The following DMD variants were observed in gnomAD, a reference collection of about 807,000 sequenced individuals.
DMD encodes the protein mutant dystrophin.
In DMD, 63 loss-of-function variants were observed where a neutral mutation model predicts 330.1. That is an observed-to-expected ratio of 0.19 (90% CI 0.16 to 0.24). DMD has a LOEUF of 0.24. Ranked by LOEUF, DMD falls within the 10% of genes least tolerant of loss-of-function variation. The pLI, the probability that DMD is intolerant of heterozygous loss-of-function variation, is 1.00. For synonymous variants in DMD, 1,223 were observed against 959.8 expected, an observed-to-expected ratio of 1.27 and a Z score of -5.07; for missense variants, 3,344 against 2,684.1, an observed-to-expected ratio of 1.25 and a Z score of -5.43.
rs2040286754 is a variant in DMD, at chrX:32,468,503, T to C, written c.3157A>G (p.Ile1053Val). 8.3e-7 allele frequency: 1 copy of C among 1,203,181 alleles called. No individual in the cohort carries two copies. The highest frequency in any genetic ancestry group is 1.7e-5 in the African/African-American group (1 of 57,596). ...AAAGTAAAATCTTGAATTACCTGAA[T>C]TTTTCGGAGTTTATTCATTTGCTCC... is the stretch of plus-strand genomic sequence containing the variant. ...LEEQMNKLRK[I>V]QNHIQTLKKW... is the part of the protein sequence containing the mutation. Residue 1053 changes from isoleucine (I) to valine (V), a missense_variant, in exon 23 of 79, where the codon ATT (isoleucine) becomes GTT (valine). By Grantham distance (29) the Ile-to-Val change is conservative (BLOSUM62 3). Coordinates refer to ENST00000357033, the MANE Select transcript of DMD (RefSeq NM_004006.3).
chrX:33,087,277 T>C (rs779317489), intron 1 of DMD, among the ~76,000 whole-genome samples: 30 of 112,619 alleles, frequency 2.7e-4, no homozygotes, highest in Non-Finnish European at 4.5e-4. Context: ...ATTTGATTCT[T>C]GCTCTTGGTA....
intron 44 of DMD, among the ~76,000 whole-genome samples, chrX:32,115,439 C>T (rs747924434): frequency 1.8e-5 from 2 of 110,837 alleles, no homozygotes; most frequent in East Asian, 2.9e-4. Flanking sequence ...GGCGAGGTCT[C>T]GCTGTGTTAC....
At chrX:32,896,261 T>C (rs997635349) in intron 2 of DMD, among the ~76,000 whole-genome samples, 2 of 111,413 alleles carry the variant, frequency 1.8e-5, no homozygotes, top group African/African-American at 6.5e-5. Flanking sequence ...ATTACACCCC[T>C]AGGGTATAAT....
At chrX:32,116,222 G>A (rs2096610152) in intron 44 of DMD, among the ~76,000 whole-genome samples, 2 of 111,105 alleles carry the variant, frequency 1.8e-5, no homozygotes, top group East Asian at 5.7e-4. Context: ...TGCCCAAATT[G>A]GAGAATATCT....
chrX:32,310,042 A>T (rs902730441), intron 42 of DMD, 40 bp downstream of exon 42: 10 of 1,128,927 alleles, frequency 8.9e-6, no homozygotes, highest in Middle Eastern at 2.5e-4. Flanking sequence ...GATCAGTATG[A>T]TCACCTTGTA....
At chrX:32,384,612 A>G (rs1208490991) in intron 33 of DMD, among the ~76,000 whole-genome samples, 1 of 111,004 alleles carries the variant, frequency 9.0e-6, no homozygotes, top group Non-Finnish European at 1.9e-5. Flanking sequence ...ATTTCAACTT[A>G]ATTATAAAAT....
intron 44 of DMD, among the ~76,000 whole-genome samples, chrX:32,108,155 T>G (rs1477575350): frequency 1.8e-5 from 2 of 111,760 alleles, no homozygotes; most frequent in African/African-American, 6.5e-5. Flanking sequence ...ACAGCCAACT[T>G]TTTGTTCTTT....
intron 7 of DMD, among the ~76,000 whole-genome samples, chrX:32,789,732 A>G (rs2075679186): frequency 9.1e-6 from 1 of 110,300 alleles, no homozygotes; most frequent in African/African-American, 3.4e-5. Flanking sequence ...TGTGTACAAG[A>G]CATAAGATAA....
chrX:32,497,592 T>C (rs1455878245), intron 19 of DMD, among the ~76,000 whole-genome samples: 2 of 112,207 alleles, frequency 1.8e-5, no homozygotes, highest in Non-Finnish European at 3.8e-5. Flanking sequence ...TTTGATATGG[T>C]CATCTTTTGG....
intron 71 of DMD, among the ~76,000 whole-genome samples, chrX:31,175,481 A>T (rs1775205759): frequency 9.0e-6 from 1 of 111,242 alleles, no homozygotes; most frequent in Admixed American, 9.5e-5. Flanking sequence ...ACTTACAATA[A>T]CCAGAAATCT....
chrX:32,685,826 T>A (rs1269011675), intron 9 of DMD, among the ~76,000 whole-genome samples: 1 of 111,803 alleles, frequency 8.9e-6, no homozygotes, highest in Non-Finnish European at 1.9e-5. Flanking sequence ...CCCCAAAGAT[T>A]TAATTGATAG....
intron 1 of DMD, among the ~76,000 whole-genome samples, chrX:33,193,314 A>G (rs745821221): frequency 8.9e-6 from 1 of 112,279 alleles, no homozygotes; most frequent in Admixed American, 9.4e-5. Context: ...CTCAAAAAAA[A>G]GAAAACATTT....
At chrX:31,381,857 C>T (rs891805471) in intron 60 of DMD, among the ~76,000 whole-genome samples, 2 of 111,785 alleles carry the variant, frequency 1.8e-5, no homozygotes, top group Non-Finnish European at 3.8e-5. Flanking sequence ...TTCTACTACT[C>T]CTCAGGGATT....
intron 44 of DMD, among the ~76,000 whole-genome samples, chrX:32,070,866 G>C (rs1209160331): frequency 9.0e-6 from 1 of 111,193 alleles, no homozygotes; most frequent in Non-Finnish European, 1.9e-5. Context: ...ATATGGTGCA[G>C]TGTATACTAC....
At chrX:31,230,373 G>C (rs1300052252) in intron 63 of DMD, among the ~76,000 whole-genome samples, 1 of 111,902 alleles carries the variant, frequency 8.9e-6, no homozygotes, top group Non-Finnish European at 1.9e-5. Flanking sequence ...AGAGGGCCAG[G>C]TGTGGTGGCT....
chrX:31,874,519 T>C (rs922445030), intron 48 of DMD, among the ~76,000 whole-genome samples: 1 of 111,637 alleles, frequency 9.0e-6, no homozygotes, highest in African/African-American at 3.3e-5. Flanking sequence ...ACAAATATGA[T>C]GCAGGCATTC....
At chrX:33,224,121 T>C (rs1481125363) in intron 1 of DMD, among the ~76,000 whole-genome samples, 2 of 112,458 alleles carry the variant, frequency 1.8e-5, no homozygotes, top group Non-Finnish European at 3.8e-5. Flanking sequence ...GGAACTCTTG[T>C]TCATTGCTTG....
chrX:32,324,869 T>A (rs1014969857), intron 41 of DMD, among the ~76,000 whole-genome samples: 1 of 111,662 alleles, frequency 9.0e-6, no homozygotes, highest in East Asian at 2.8e-4. Flanking sequence ...AAAAATTACA[T>A]AGAGAGGAAA....
chrX:31,239,099 CT>C (rs779785433), intron 63 of DMD, among the ~76,000 whole-genome samples: 1 of 112,113 alleles, frequency 8.9e-6, no homozygotes, highest in East Asian at 2.8e-4. Context: ...GATTCTGTGA[CT>C]TAGGGACCTA....
Sources: allele counts gnomAD v4.1 joint callset (sites outside exome capture counted in the v4.1 genomes callset), GRCh38; gene constraint gnomAD v4.1.1; transcripts MANE v1.5; gene names NCBI Gene and HGNC (gene_info 2026-07-23, HGNC 2026-07-21).